ADAMTSL1: variants seen among roughly 807,000 people sequenced by gnomAD.
The protein encoded by ADAMTSL1 is ADAMTS-like protein 1.
A neutral mutation model predicts 201.8 loss-of-function variants in ADAMTSL1; 126 were observed. The observed-to-expected ratio is 0.62, with a 90% CI of 0.54 to 0.72. ADAMTSL1 has a LOEUF of 0.72. ADAMTSL1 is among the 30% of genes least tolerant of loss of function. The probability of loss-of-function intolerance (pLI) is 0.00; values close to 1 mark genes in which losing one functional copy is unlikely to be tolerated. For synonymous variants in ADAMTSL1, 1,121 were observed against 903.4 expected (o/e 1.24, Z -4.32); for missense variants, 2,679 against 2,277.8 (o/e 1.18, Z -3.59).
intron 1 of ADAMTSL1, among the ~76,000 whole-genome samples, chr9:18,043,681 A>G (rs529748814): frequency 6.6e-6 from 1 of 152,274 alleles, no homozygotes; most frequent in African/African-American, 2.4e-5. Flanking sequence ...AATCACATGA[A>G]AAATTGTAGT....
intron 1 of ADAMTSL1, among the ~76,000 whole-genome samples, chr9:18,060,040 C>G (rs1822381125): frequency 6.6e-6 from 1 of 152,104 alleles, no homozygotes; most frequent in African/African-American, 2.4e-5. Flanking sequence ...ATCTTTTTCC[C>G]TAGCTACCCA....
chr9:18,351,343 C>G (rs1225223781), intron 2 of ADAMTSL1, among the ~76,000 whole-genome samples: 1 of 151,604 alleles, frequency 6.6e-6, no homozygotes, highest in African/African-American at 2.4e-5. Context: ...GGTGTTTAAG[C>G]TGCATGGTGA....
At chr9:18,309,991 A>G (rs375134749) in intron 2 of ADAMTSL1, among the ~76,000 whole-genome samples, 4 of 152,282 alleles carry the variant, frequency 2.6e-5, no homozygotes, top group African/African-American at 9.6e-5. Context: ...AAACAGATGT[A>G]TAGTCCAATG....
chr9:17,924,733 C>G (rs1286998471), intron 1 of ADAMTSL1, among the ~76,000 whole-genome samples: 1 of 144,080 alleles, frequency 6.9e-6, no homozygotes, highest in African/African-American at 2.6e-5. Context: ...AAACGTTAGA[C>G]CTAAAACCAT....
rs541696106 is a variant in ADAMTSL1, at chr9:18,882,155, T to A, written c.4250-5676T>A. 2.0e-5 allele frequency among the ~76,000 whole-genome samples: 3 copies of A among 152,340 alleles called. 1 individual carries two copies. The highest frequency in any genetic ancestry group is 7.2e-5 in the African/African-American group (3 of 41,576). On this transcript the variant is annotated intron_variant, in intron 23 of 28. Coordinates refer to ENST00000380548, the MANE Select transcript of ADAMTSL1 (RefSeq NM_001040272.6). Reference sequence around the variant, plus strand: ...GCTACCACTCCTTTTTCTGCCTAAATACTCTCTCAGAAAATCCTAAGGCAG... The same window carrying A: ...GCTACCACTCCTTTTTCTGCCTAAAAACTCTCTCAGAAAATCCTAAGGCAG...
chr9:17,937,389 C>A (rs1237460138), intron 1 of ADAMTSL1, among the ~76,000 whole-genome samples: 1 of 151,916 alleles, frequency 6.6e-6, no homozygotes, highest in African/African-American at 2.4e-5. Flanking sequence ...GCCTTCACTG[C>A]ACACGTTCTC....
At chr9:18,289,741 T>C (rs1833175580) in intron 2 of ADAMTSL1, among the ~76,000 whole-genome samples, 1 of 152,242 alleles carries the variant, frequency 6.6e-6, no homozygotes, top group African/African-American at 2.4e-5. Context: ...TTCATTTTTA[T>C]TCAGCTGTTG....
At chr9:18,118,507 A>T (rs977469404) in intron 1 of ADAMTSL1, among the ~76,000 whole-genome samples, 31 of 152,310 alleles carry the variant, frequency 2.0e-4, no homozygotes, top group African/African-American at 6.5e-4. Flanking sequence ...GTCATTACTC[A>T]TGATCTGATT....
intron 13 of ADAMTSL1, among the ~76,000 whole-genome samples, chr9:18,699,540 G>A (rs1367163269): frequency 2.0e-5 from 3 of 151,976 alleles, no homozygotes; most frequent in Non-Finnish European, 2.9e-5. Context: ...ATATTGCCCA[G>A]GCTGGTCTCA....
Position 18,721,579 on chromosome 9 carries a change from G to A in ADAMTSL1, c.1920G>A (p.Arg640=). Residue 640 remains arginine, a synonymous_variant, in exon 15 of 29, where the codon CGG becomes CGA. Coordinates refer to ENST00000380548, the MANE Select transcript of ADAMTSL1 (RefSeq NM_001040272.6). The part of the protein sequence containing the change: ...AVVSCLNKQT[R]EPAEENLCVT... ...TGAGCTGCTTGAACAAACAGACTCG[G>A]GAGCCTGCTGAGGAGAACCTGTGCG... 1 of 1,613,906 alleles carries A rather than the reference G, an allele frequency of 6.2e-7. No individual in the cohort carries two copies. The highest frequency in any genetic ancestry group is 2.2e-5 in the East Asian group (1 of 44,870).
chr9:18,716,479 G>T (rs1370377114), intron 14 of ADAMTSL1, among the ~76,000 whole-genome samples: 1 of 152,084 alleles, frequency 6.6e-6, no homozygotes, highest in African/African-American at 2.4e-5. Flanking sequence ...CAAAAACCAC[G>T]TGAAAAAATG....
chr9:18,177,320 T>A (rs570479288), intron 2 of ADAMTSL1, among the ~76,000 whole-genome samples: 7 of 152,312 alleles, frequency 4.6e-5, no homozygotes, highest in Admixed American at 4.6e-4. Flanking sequence ...TTGTTATTAA[T>A]AGTAGAAGAA....
chr9:18,316,375 G>A (rs1834394869), intron 2 of ADAMTSL1, among the ~76,000 whole-genome samples: 1 of 152,098 alleles, frequency 6.6e-6, no homozygotes, highest in Admixed American at 6.5e-5. Context: ...ATGGGAGACT[G>A]GGGTCCATTT....
intron 1 of ADAMTSL1, among the ~76,000 whole-genome samples, chr9:18,003,182 T>A (rs1300728708): frequency 6.6e-6 from 1 of 152,030 alleles, no homozygotes; most frequent in Non-Finnish European, 1.5e-5. Flanking sequence ...AGGCTCATCC[T>A]GGAGTCCTTC....
At chr9:18,181,908 C>G (rs1828496925) in intron 2 of ADAMTSL1, among the ~76,000 whole-genome samples, 1 of 151,994 alleles carries the variant, frequency 6.6e-6, no homozygotes, top group South Asian at 2.1e-4. Context: ...CAAAGATAGA[C>G]TGGATTAAGA....
At chr9:18,325,674 C>G (rs1362640308) in intron 2 of ADAMTSL1, among the ~76,000 whole-genome samples, 1 of 151,904 alleles carries the variant, frequency 6.6e-6, no homozygotes, top group Non-Finnish European at 1.5e-5. Flanking sequence ...GCTGCATTCT[C>G]ACATGGCAGA....
At chr9:18,529,574 G>A (rs78885516) in intron 2 of ADAMTSL1, among the ~76,000 whole-genome samples, 2,697 of 152,196 alleles carry the variant, frequency 0.018, 59 homozygotes, top group African/African-American at 0.057. Context: ...GATAGTATAC[G>A]CAGAATACCT....
chr9:18,080,135 A>T (rs752756376), intron 1 of ADAMTSL1, among the ~76,000 whole-genome samples: 40 of 152,264 alleles, frequency 2.6e-4, no homozygotes, highest in Non-Finnish European at 5.3e-4. Context: ...AAAGTGATGG[A>T]TAGCTCATAT....
chr9:18,596,687 A>G (rs1200449632), intron 4 of ADAMTSL1, among the ~76,000 whole-genome samples: 1 of 152,188 alleles, frequency 6.6e-6, no homozygotes, highest in Non-Finnish European at 1.5e-5. Flanking sequence ...GAGGAAAATG[A>G]GGTTATGAGA....
Sources: allele counts gnomAD v4.1 joint callset (sites outside exome capture counted in the v4.1 genomes callset), GRCh38; gene constraint gnomAD v4.1.1; transcripts MANE v1.5; gene names NCBI Gene and HGNC (gene_info 2026-07-23, HGNC 2026-07-21).